PHACTR4: variants seen among roughly 807,000 people sequenced by gnomAD.
PHACTR4 encodes the protein protein phosphatase 1, regulatory subunit 124.
Under a neutral mutation model 72.7 loss-of-function variants are expected in PHACTR4, and 51 were observed. The ratio of observed to expected loss-of-function variants is 0.70; its 90% CI spans 0.56 to 0.89. The LOEUF (loss-of-function observed/expected upper bound fraction) is 0.89, where lower values mean the gene tolerates loss of function less well. Ranked by LOEUF, PHACTR4 falls within the 40% of genes least tolerant of loss-of-function variation. The pLI is 0.00. For synonymous variants in PHACTR4, 255 were observed against 302.5 expected (o/e 0.84, Z 1.63); for missense variants, 731 against 861.8 (o/e 0.85, Z 1.90).
At chr1:28,488,235 C>T (rs867376859) in intron 9 of PHACTR4, among the ~76,000 whole-genome samples, 3 of 152,024 alleles carry the variant, frequency 2.0e-5, no homozygotes, top group Non-Finnish European at 4.4e-5. Flanking sequence ...TGGTGGCTCA[C>T]GCCTGTAATC....
At chr1:28,410,452 GCTTCA>G (rs1654707811) in intron 2 of PHACTR4, among the ~76,000 whole-genome samples, 1 of 152,092 alleles carries the variant, frequency 6.6e-6, no homozygotes, top group Middle Eastern at 3.2e-3. Context: ...TGACCTCCTT[GCTTCA>G]CTTAAGTAAA....
At chr1:28,400,233 C>T (rs11812012) in intron 1 of PHACTR4, among the ~76,000 whole-genome samples, 1 of 151,938 alleles carries the variant, frequency 6.6e-6, no homozygotes, top group Non-Finnish European at 1.5e-5. Context: ...ATTAGCCGGG[C>T]GTCTTGGCGC....
intron 1 of PHACTR4, among the ~76,000 whole-genome samples, chr1:28,376,916 C>A (rs533213476): frequency 1.3e-5 from 2 of 152,106 alleles, no homozygotes; most frequent in Non-Finnish European, 2.9e-5. Context: ...GGATTACAGG[C>A]GTGAGCCAGC....
intron 1 of PHACTR4, among the ~76,000 whole-genome samples, chr1:28,379,671 G>C (rs1307111628): frequency 6.6e-6 from 1 of 150,386 alleles, no homozygotes; most frequent in Non-Finnish European, 1.5e-5. Context: ...CTCAGTGCCA[G>C]CTCCGCCTCC....
At chr1:28,422,928 C>G (rs1655599698) in intron 2 of PHACTR4, among the ~76,000 whole-genome samples, 1 of 152,106 alleles carries the variant, frequency 6.6e-6, no homozygotes, top group South Asian at 2.1e-4. Context: ...CTGGGACTAC[C>G]GGCGCATGCC....
At chr1:28,441,098 A>T (rs900709909) in intron 2 of PHACTR4, among the ~76,000 whole-genome samples, 1 of 152,200 alleles carries the variant, frequency 6.6e-6, no homozygotes, top group African/African-American at 2.4e-5. Context: ...CCCTATGTAG[A>T]TATTATTCAT....
intron 9 of PHACTR4, 51 bp from the exon 10 acceptor site, chr1:28,489,119 C>A (rs1219571239): frequency 1.3e-6 from 2 of 1,492,694 alleles, no homozygotes; most frequent in Non-Finnish European, 1.9e-6. Context: ...TCTTTATAAA[C>A]AAGATTGGGA....
intron 2 of PHACTR4, among the ~76,000 whole-genome samples, chr1:28,438,748 A>G (rs1341605362): frequency 6.6e-6 from 1 of 152,220 alleles, no homozygotes; most frequent in Non-Finnish European, 1.5e-5. Context: ...TACTAAAGAT[A>G]AATGCTACAG....
At chr1:28,371,629 C>T (rs556638871) in intron 1 of PHACTR4, among the ~76,000 whole-genome samples, 52 of 151,872 alleles carry the variant, frequency 3.4e-4, no homozygotes, top group South Asian at 2.5e-3. Flanking sequence ...AATAGGGTCT[C>T]GCTGGGTTTC....
At chr1:28,488,038 A>C (rs1660812747) in intron 9 of PHACTR4, among the ~76,000 whole-genome samples, 1 of 151,930 alleles carries the variant, frequency 6.6e-6, no homozygotes, top group East Asian at 1.9e-4. Flanking sequence ...ACACCTGGCC[A>C]ACAAATTGTT....
Position 28,462,871 on chromosome 1 carries a change from T to C in PHACTR4, c.271+2579T>C, listed in dbSNP as rs566589060. Among the ~76,000 whole-genome samples, 127 of 152,122 alleles carry C rather than the reference T, an allele frequency of 8.3e-4. 2 individuals are homozygous for C. Among genetic ancestry groups the C allele is most frequent in the Admixed American group, 8.5e-4 (13 of 15,258 alleles). On this transcript the variant is annotated intron_variant, in intron 4 of 13. Coordinates refer to ENST00000373839, the MANE Select transcript of PHACTR4 (RefSeq NM_001048183.3). ...GATCTGCATTTTAGGCCAAAAGTAG[T>C]GTTTGAACCTTGAAGTCCTCTGCAT... is the stretch of plus-strand genomic sequence containing the variant.
intron 1 of PHACTR4, among the ~76,000 whole-genome samples, chr1:28,394,994 ATC>A (rs1228888085): frequency 6.7e-6 from 1 of 149,278 alleles, no homozygotes; most frequent in Non-Finnish European, 1.5e-5. Context: ...GCTCACTGCA[ATC>A]TCTGCCTTCC....
At position 28,447,395 on chromosome 1, in the gene PHACTR4, C is replaced by CT. The variant is rs970088054; in HGVS notation, c.17-11676dup. Among the ~76,000 whole-genome samples the CT allele has an allele frequency of 6.0e-3, 799 of 132,762 alleles. 8 individuals are homozygous for CT. The highest frequency in any genetic ancestry group is 0.014 in the African/African-American group (505 of 36,436). The allele number at this position is 132,762 out of a possible 152,430, so 87.1% of individuals were successfully genotyped here. On this transcript the variant is annotated intron_variant, in intron 2 of 13. Transcript: ENST00000373839. The stretch of plus-strand genomic sequence containing the variant: ...CATATGTATTTCCTCTTTCTTTTTT[C>CT]TTTTTTTTTTTTTTGAGACAGTCTC...
intron 1 of PHACTR4, among the ~76,000 whole-genome samples, chr1:28,383,248 T>C (rs1485277662): frequency 1.3e-5 from 2 of 152,192 alleles, no homozygotes; most frequent in Admixed American, 1.3e-4. Flanking sequence ...CCATGCTGTA[T>C]TGGTTACTGT....
chr1:28,444,782 ATTTTTTT>A (rs577693546), intron 2 of PHACTR4, among the ~76,000 whole-genome samples: 1 of 116,678 alleles, frequency 8.6e-6, no homozygotes, highest in Non-Finnish European at 1.7e-5. Context: ...CACCCAGCTA[ATTTTTTT>A]TTTTTTTTTT....
chr1:28,421,908 T>TA (rs1413065797), intron 2 of PHACTR4, among the ~76,000 whole-genome samples: 2 of 152,210 alleles, frequency 1.3e-5, no homozygotes, highest in Non-Finnish European at 2.9e-5. Context: ...GAAGGCCAGT[T>TA]ACTATCCTAA....
intron 2 of PHACTR4, among the ~76,000 whole-genome samples, chr1:28,419,465 G>A (rs1655363098): frequency 6.6e-6 from 1 of 151,784 alleles, no homozygotes; most frequent in African/African-American, 2.4e-5. Context: ...TATATAAAGT[G>A]ATACATGTAT....
chr1:28,397,965 G>C (rs1435138075), intron 1 of PHACTR4, among the ~76,000 whole-genome samples: 8 of 151,664 alleles, frequency 5.3e-5, no homozygotes, highest in African/African-American at 1.9e-4. Context: ...CGCCCGCCTC[G>C]GCCTCCCAAA....
chr1:28,498,053 CATTT>C lies in PHACTR4; in HGVS notation c.*1505_*1508del, dbSNP rs1661464678. 1 of 151,312 alleles carries C rather than the reference CATTT, an allele frequency of 6.6e-6. No individual in the cohort carries two copies. Among genetic ancestry groups the C allele is most frequent in the Non-Finnish European group, 1.5e-5 (1 of 67,964 alleles). The allele number at this position is 151,312 out of a possible 1,614,324, so 9.4% of individuals were successfully genotyped here. ...AACGTGGCAGAAAACTAGCAGGTTA[CATTT>C]TATAGGCTATTGTAGTTTTATTTAC... On this transcript the variant is annotated 3_prime_UTR_variant, in exon 14 of 14. Coordinates refer to ENST00000373839, the MANE Select transcript of PHACTR4 (RefSeq NM_001048183.3).
Sources: allele counts gnomAD v4.1 joint callset (sites outside exome capture counted in the v4.1 genomes callset), GRCh38; gene constraint gnomAD v4.1.1; transcripts MANE v1.5; gene names NCBI Gene and HGNC (gene_info 2026-07-23, HGNC 2026-07-21).